The following COPA variants were observed in gnomAD, a reference collection of about 807,000 sequenced individuals.
The protein encoded by COPA is coat protein complex I subunit alpha.
COPA carries 10 observed loss-of-function variants against 158.7 expected under a neutral mutation model. That is an observed-to-expected ratio of 0.06 (90% CI 0.04 to 0.11). The LOEUF (loss-of-function observed/expected upper bound fraction) is 0.11, where lower values mean the gene tolerates loss of function less well. Among genes scored for constraint, COPA ranks in the 10% least tolerant of loss-of-function variants. COPA has a pLI of 1.00. For synonymous variants in COPA, 462 were observed against 542.8 expected (o/e 0.85, Z 2.07); for missense variants, 1,065 against 1,536.7 (o/e 0.69, Z 5.13).
intron 6 of COPA, among the ~76,000 whole-genome samples, chr1:160,327,481 G>A (rs76718780): frequency 6.6e-6 from 1 of 150,386 alleles, no homozygotes; most frequent in Non-Finnish European, 1.5e-5. Flanking sequence ...GGCTGGGGGG[G>A]GCGCAGCGCG....
At chr1:160,327,450 T>C (rs1647288489) in intron 6 of COPA, among the ~76,000 whole-genome samples, 1 of 144,092 alleles carries the variant, frequency 6.9e-6, no homozygotes, top group African/African-American at 2.5e-5. Flanking sequence ...GGCAGGGGAA[T>C]TGCTTGAACC....
chr1:160,295,965 T>A (rs1571151012), intron 22 of COPA, 96 bp downstream of exon 22: 2 of 1,578,676 alleles, frequency 1.3e-6, no homozygotes, highest in Non-Finnish European at 1.7e-6. Flanking sequence ...CCTCTCCTGG[T>A]AACCAGGTGG....
rs764035435 is a variant in COPA at position 160,314,073 on chromosome 1, A to G, written c.759T>C (p.Ser253=). 1 of 1,613,088 alleles carries G rather than the reference A, an allele frequency of 6.2e-7. No individual in the cohort carries two copies. Among genetic ancestry groups the G allele is most frequent in the Non-Finnish European group, 8.5e-7 (1 of 1,179,670 alleles). The stretch of plus-strand genomic sequence containing the variant: ...CTTGGCGAGGGTGGAAGACGGCACA[A>G]GATACATTGTTGTAATGGCCCCGGC... ...DTCRGHYNNV[S]CAVFHPRQEL... The change falls in exon 9 of 33, where the codon TCT becomes TCC. Residue 253 remains serine (S), a synonymous_variant. Transcript: ENST00000241704.
chr1:160,288,638 T>C lies in COPA; in HGVS notation c.*1519A>G, dbSNP rs1477967228. On this transcript the variant is annotated 3_prime_UTR_variant, in exon 33 of 33. Transcript: ENST00000241704. The stretch of plus-strand genomic sequence containing the variant: ...ATTTATTATTTATTGAAAACATGAA[T>C]TTAACACGCAAAAAAGTACTTATTT... 1.3e-5 allele frequency among the ~76,000 whole-genome samples: 2 copies of C among 152,132 alleles called. No homozygotes were observed. Among genetic ancestry groups the C allele is most frequent in the Non-Finnish European group, 2.9e-5 (2 of 68,024 alleles).
At chr1:160,291,959 G>C (rs1658249950) in intron 29 of COPA, 30 bp from the exon 30 acceptor site, 1 of 1,614,172 alleles carries the variant, frequency 6.2e-7, no homozygotes, top group Non-Finnish European at 8.5e-7. Context: ...TCAGGATACA[G>C]AGACAAGAAT....
At chr1:160,318,468 T>TAAAAAAAAAAAAAAAAAAAAA (rs71090307) in intron 8 of COPA, among the ~76,000 whole-genome samples, 29 of 15,592 alleles carry the variant, frequency 1.9e-3, no homozygotes, top group East Asian at 3.3e-3. Flanking sequence ...ACAATATTTG[T>TAAAAAAAAAAAAAAAAAAAAA]AAAAAAAAAA....
At chr1:160,313,866 T>C in intron 9 of COPA, 124 bp downstream of exon 9, 1 of 936,548 alleles carries the variant, frequency 1.1e-6, no homozygotes. Context: ...CTCTTCAAAT[T>C]TTCATAATAT....
chr1:160,340,152 C>T (rs756096911), intron 2 of COPA, 29 bp downstream of exon 2: 1 of 1,540,846 alleles, frequency 6.5e-7, no homozygotes, highest in Admixed American at 1.7e-5. Context: ...TACTTATACT[C>T]CTTTAACTTC....
At chr1:160,303,483 T>C (rs949552589) in intron 17 of COPA, among the ~76,000 whole-genome samples, 7 of 152,156 alleles carry the variant, frequency 4.6e-5, no homozygotes, top group African/African-American at 1.2e-4. Flanking sequence ...AGTGTCCTTA[T>C]GGAAAAAGTG....
chr1:160,291,430 G>A lies in COPA; in HGVS notation c.3325C>T (p.Leu1109Phe). The change falls in exon 31 of 33, where the codon CTC (leucine) becomes TTC (phenylalanine). Residue 1109 changes from leucine to phenylalanine, a missense_variant. Physicochemically the swap from Leu to Phe is conservative, Grantham distance 22. Coordinates refer to ENST00000241704, the MANE Select transcript of COPA (RefSeq NM_004371.4). Reference sequence around the variant, plus strand: ...TTCTTGAGCTTGAAGAACAGATTGAGGGCTGTACGCAGCACCAGGATCATG... The same window carrying A: ...TTCTTGAGCTTGAAGAACAGATTGAAGGCTGTACGCAGCACCAGGATCATG... ...VHMILVLRTA[L>F]NLFFKLKNFK... 1 of 1,614,132 alleles carries A rather than the reference G, an allele frequency of 6.2e-7. No homozygotes were observed. The highest frequency in any genetic ancestry group is 8.5e-7 in the Non-Finnish European group (1 of 1,180,034).
intron 30 of COPA, 88 bp downstream of exon 30, chr1:160,291,731 G>T: frequency 7.2e-7 from 1 of 1,387,560 alleles, no homozygotes; most frequent in Non-Finnish European, 1.0e-6. Context: ...TCCCCACTCA[G>T]ATCTGGGTTT....
rs190724100 is a variant in COPA at position 160,338,123 on chromosome 1, T to A, written c.228+1786A>T. Among the ~76,000 whole-genome samples the A allele has an allele frequency of 6.6e-5, 10 of 152,264 alleles. No homozygotes were observed. In the East Asian group the frequency reaches 1.9e-3, roughly 29 times the overall value. On this transcript the variant is annotated intron_variant, in intron 3 of 32. Coordinates refer to ENST00000241704, the MANE Select transcript of COPA (RefSeq NM_004371.4). The stretch of plus-strand genomic sequence containing the variant: ...TAGTCATTTTGGGAAAACTTTTTCT[T>A]AATTAACACCCAGTTTTTCCTTTTT...
intron 6 of COPA, 40 bp downstream of exon 6, chr1:160,332,408 C>T: frequency 7.0e-7 from 1 of 1,434,192 alleles, no homozygotes; most frequent in Non-Finnish European, 9.7e-7. Context: ...AGTTTTGCAC[C>T]AGAGATGACC....
At position 160,309,183 on chromosome 1, in the gene COPA, A is replaced by C; in HGVS notation, c.1144-7T>G. Reference sequence around the variant, plus strand: ...TCTCTAGATTGCTAGCTCTCTGTAGAAGAAAAGGGGAAATTAAAATGTTAG... The same window carrying C: ...TCTCTAGATTGCTAGCTCTCTGTAGCAGAAAAGGGGAAATTAAAATGTTAG... On this transcript the variant is annotated splice_polypyrimidine_tract_variant and splice_region_variant and intron_variant, in intron 12 of 32. Coordinates refer to ENST00000241704, the MANE Select transcript of COPA (RefSeq NM_004371.4). The C allele has an allele frequency of 6.2e-7, 1 of 1,607,450 alleles. No homozygotes were observed. Among genetic ancestry groups the C allele is most frequent in the Non-Finnish European group, 8.5e-7 (1 of 1,174,236 alleles).
At chr1:160,305,660 A>C (rs749614551) in intron 16 of COPA, 28 bp downstream of exon 16, 1 of 1,614,068 alleles carries the variant, frequency 6.2e-7, no homozygotes, top group South Asian at 1.1e-5. Flanking sequence ...ATGGTCTCTA[A>C]ATCAGGGTGG....
At chr1:160,308,383 G>C (rs1236674146) in intron 13 of COPA, among the ~76,000 whole-genome samples, 2 of 152,170 alleles carry the variant, frequency 1.3e-5, no homozygotes, top group East Asian at 1.9e-4. Context: ...AAAAGAAACA[G>C]AGCTAGCAAA....
rs1658310326 is a variant in COPA, at chr1:160,293,532, T to A, written c.2677-69A>T. On this transcript the variant is annotated intron_variant, in intron 25 of 32. Transcript: ENST00000241704. ...TTTTTTGAGACAGGGTCACACTCTG[T>A]CACCTAGACTGGAGTACAGAGGCAT... 2.5e-6 allele frequency: 3 copies of A among 1,217,574 alleles called. No homozygotes were observed. In the South Asian group the frequency reaches 4.5e-5, roughly 18 times the overall value. The allele number at this position is 1,217,574 out of a possible 1,614,324, so 75.4% of individuals were successfully genotyped here. A position where few individuals can be genotyped will look rare whatever the true frequency, so the allele number is the denominator to read the frequency against.
chr1:160,306,278 G>GA (rs1658783054), intron 15 of COPA, 76 bp downstream of exon 15: 1 of 1,497,106 alleles, frequency 6.7e-7, no homozygotes, highest in African/African-American at 1.4e-5. Flanking sequence ...CTCACTTGGG[G>GA]AAAAAAGGTT....
At chr1:160,326,461 C>T (rs931627382) in intron 6 of COPA, among the ~76,000 whole-genome samples, 1 of 152,094 alleles carries the variant, frequency 6.6e-6, no homozygotes, top group South Asian at 2.1e-4. Flanking sequence ...CCCAGGAAGT[C>T]GAGGCTGCAG....
Sources: allele counts gnomAD v4.1 joint callset (sites outside exome capture counted in the v4.1 genomes callset), GRCh38; gene constraint gnomAD v4.1.1; transcripts MANE v1.5; gene names NCBI Gene and HGNC (gene_info 2026-07-23, HGNC 2026-07-21).